SLC33A2: variants seen among roughly 807,000 people sequenced by gnomAD.
SLC33A2 encodes solute carrier family 33 member 2, also known as major facilitator superfamily domain containing 3.
chr8:144,509,212 G>T, the SLC33A2 span: 2 of 1,032,034 alleles, frequency 1.9e-6, no homozygotes, highest in African/African-American at 1.7e-5. Context: ...CGCTGACTCT[G>T]CCCGGTCCCA....
the SLC33A2 span, chr8:144,510,555 C>T: frequency 1.9e-6 from 3 of 1,610,462 alleles, no homozygotes; most frequent in Non-Finnish European, 2.5e-6. Flanking sequence ...ACCTGAGCTG[C>T]CCCCAATCCA....
chr8:144,509,364 C>G, the SLC33A2 span: 17 of 1,492,442 alleles, frequency 1.1e-5, no homozygotes, highest in Non-Finnish European at 1.5e-5. Flanking sequence ...GCTGGCCGGC[C>G]TCTACCTGGT....
chr8:144,511,176 G>A, the SLC33A2 span: 2 of 1,606,114 alleles, frequency 1.2e-6, no homozygotes, highest in Non-Finnish European at 1.7e-6. Context: ...CTGAGTGGCT[G>A]GAGTGGTCAA....
chr8:144,510,003 A>G, the SLC33A2 span: 1 of 1,595,250 alleles, frequency 6.3e-7, no homozygotes, highest in Middle Eastern at 1.7e-4. Context: ...CTTTGTGCTC[A>G]CCTACAAGCT....
the SLC33A2 span, chr8:144,509,788 G>C: frequency 6.4e-7 from 1 of 1,551,270 alleles, no homozygotes; most frequent in Non-Finnish European, 8.7e-7. Context: ...CTAGCTGGGG[G>C]CGCGCTGCTG....
the SLC33A2 span, chr8:144,509,502 GC>G: frequency 3.2e-5 from 49 of 1,532,598 alleles, no homozygotes; most frequent in Non-Finnish European, 4.2e-5. Flanking sequence ...GCTGGCTTGG[GC>G]CCCGCTGGTG....
At chr8:144,511,032 G>C in the SLC33A2 span, 1 of 1,604,066 alleles carries the variant, frequency 6.2e-7, no homozygotes, top group Non-Finnish European at 8.5e-7. Flanking sequence ...AGCTGCTGGG[G>C]AAGCTGCTGC....
At chr8:144,509,724 G>A in the SLC33A2 span, 9 of 1,568,304 alleles carry the variant, frequency 5.7e-6, no homozygotes, top group Non-Finnish European at 6.0e-6. Flanking sequence ...GGAGCCGGCC[G>A]AACTGGGGCC....
At chr8:144,510,832 G>A in the SLC33A2 span, 2,217 of 1,611,014 alleles carry the variant, frequency 1.4e-3, 4 homozygotes, top group Non-Finnish European at 1.7e-3. Context: ...GCACTTCTTG[G>A]GAGGCCTGGT....
the SLC33A2 span, chr8:144,510,261 ACT>A: frequency 6.5e-7 from 1 of 1,541,412 alleles, no homozygotes; most frequent in Non-Finnish European, 8.8e-7. Flanking sequence ...GCTCTGGAAC[ACT>A]GAGGAGAGCA....
the SLC33A2 span, chr8:144,511,138 GACCTAGC>G: frequency 6.2e-7 from 1 of 1,610,406 alleles, no homozygotes; most frequent in African/African-American, 1.3e-5. Flanking sequence ...TCTGTACCTG[GACCTAGC>G]ACCCAGCACC....
At chr8:144,510,794 G>C in the SLC33A2 span, 1 of 1,611,438 alleles carries the variant, frequency 6.2e-7, no homozygotes, top group Non-Finnish European at 8.5e-7. Flanking sequence ...GCCCTCCCAG[G>C]GTCAGCCTTG....
chr8:144,509,193 C>A, the SLC33A2 span: 3 of 840,654 alleles, frequency 3.6e-6, no homozygotes, highest in Non-Finnish European at 3.5e-6. Flanking sequence ...CAGACCCTAG[C>A]CTGTACGACG....
the SLC33A2 span, chr8:144,510,385 TC>T: frequency 6.2e-7 from 1 of 1,612,580 alleles, no homozygotes; most frequent in Non-Finnish European, 8.5e-7. Flanking sequence ...GCAGCCTGTT[TC>T]CTCTTCTCCT....
chr8:144,509,307 C>T, the SLC33A2 span: 2 of 1,432,192 alleles, frequency 1.4e-6, no homozygotes, highest in African/African-American at 3.0e-5. Context: ...ACCCGACCTC[C>T]CAGCCTCGCA....
the SLC33A2 span, chr8:144,510,085 G>C: frequency 2.6e-6 from 4 of 1,511,502 alleles, no homozygotes; most frequent in Non-Finnish European, 3.5e-6. Context: ...GTCCCCAGGG[G>C]CTTGCAACCC....
chr8:144,510,029 C>T, the SLC33A2 span: 9 of 1,587,550 alleles, frequency 5.7e-6, no homozygotes, highest in Admixed American at 6.8e-5. Flanking sequence ...AGTGAGGCCT[C>T]GAGCCAGGCA....
chr8:144,510,695 A>G, the SLC33A2 span: 2 of 1,569,792 alleles, frequency 1.3e-6, no homozygotes, highest in East Asian at 4.5e-5. Context: ...CCTGGGGGCC[A>G]GCATGGACGC....
the SLC33A2 span, chr8:144,509,091 C>T: frequency 8.7e-5 from 38 of 436,938 alleles, no homozygotes; most frequent in Middle Eastern, 5.7e-4. Context: ...CGGGAGCCGC[C>T]GGCCGCCGGT....
Sources: allele counts gnomAD v4.1 joint callset, GRCh38; gene constraint gnomAD v4.1.1; transcripts MANE v1.5; gene names NCBI Gene and HGNC (gene_info 2026-07-23, HGNC 2026-07-21).